COL11A1: variants seen among roughly 807,000 people sequenced by gnomAD.
The protein encoded by COL11A1 is collagen alpha-1(XI) chain.
Under a neutral mutation model 265.2 loss-of-function variants are expected in COL11A1, and 74 were observed. The observed-to-expected ratio is 0.28, with a 90% CI of 0.23 to 0.34. The LOEUF (loss-of-function observed/expected upper bound fraction) is 0.34, where lower values mean the gene tolerates loss of function less well. COL11A1 is among the 10% of genes least tolerant of loss of function. The probability of loss-of-function intolerance (pLI) is 1.00; values close to 1 mark genes in which losing one functional copy is unlikely to be tolerated. For synonymous variants in COL11A1, 816 were observed against 727.6 expected, an observed-to-expected ratio of 1.12 and a Z score of -1.96; for missense variants, 2,165 against 2,263.6, an observed-to-expected ratio of 0.96 and a Z score of 0.88.
At chr1:102,965,331 T>C (rs763921890) in intron 38 of COL11A1, among the ~76,000 whole-genome samples, 156 bp downstream of exon 38, 20 of 152,202 alleles carry the variant, frequency 1.3e-4, no homozygotes, top group African/African-American at 2.7e-4. Context: ...TTGGTTTCAT[T>C]TGATGTACGA....
At chr1:102,967,224 A>ATTT (rs1557882148) in intron 37 of COL11A1, among the ~76,000 whole-genome samples, 2 of 41,226 alleles carry the variant, frequency 4.9e-5, no homozygotes, top group African/African-American at 6.0e-5. Flanking sequence ...AACATAATAA[A>ATTT]TTCTTTTTTT....
At chr1:102,981,891 G>A (rs1570936899) in intron 31 of COL11A1, among the ~76,000 whole-genome samples, 1 of 151,644 alleles carries the variant, frequency 6.6e-6, no homozygotes, top group East Asian at 1.9e-4. Flanking sequence ...TTGCTACTAA[G>A]CAATTAATAA....
chr1:103,092,973 C>A (rs1673444865), intron 1 of COL11A1, among the ~76,000 whole-genome samples: 1 of 149,290 alleles, frequency 6.7e-6, no homozygotes, highest in Non-Finnish European at 1.5e-5. Flanking sequence ...GTTCCAAAAA[C>A]AAACAAACAA....
rs986251371 is a variant in COL11A1 at position 102,940,576 on chromosome 1, C to G, written c.3277-142G>C. On this transcript the variant is annotated intron_variant, in intron 42 of 66. Transcript: ENST00000370096. ...TTAAAGAATAAATGATACATGTTCC[C>G]TACCTTCATTTGTGACTAAGAATAC... 6.1e-6 allele frequency: 4 copies of G among 655,358 alleles called. No homozygotes were observed. In the East Asian group the frequency reaches 8.2e-5, roughly 13 times the overall value. 40.6% of individuals were successfully genotyped at this position (655,358 alleles called of 1,614,324 possible).
chr1:102,979,365 A>G lies in COL11A1; in HGVS notation c.2610+17T>C, dbSNP rs374394690. 2.7e-5 allele frequency: 43 copies of G among 1,589,688 alleles called. No individual in the cohort carries two copies. Among genetic ancestry groups the G allele is most frequent in the Middle Eastern group, 1.7e-4 (1 of 6,028 alleles). ...AACACTTATATACATAGTTCAAAAC[A>G]TATTTATATATCATACCCGTGCACC... On this transcript the variant is annotated intron_variant, in intron 32 of 66. Coordinates refer to ENST00000370096, the MANE Select transcript of COL11A1 (RefSeq NM_001854.4).
At chr1:102,915,376 G>A (rs1380692445) in intron 50 of COL11A1, among the ~76,000 whole-genome samples, 2 of 152,148 alleles carry the variant, frequency 1.3e-5, no homozygotes, top group Non-Finnish European at 2.9e-5. Flanking sequence ...CAAAGGGAAT[G>A]TATACAGTAA....
intron 63 of COL11A1, among the ~76,000 whole-genome samples, chr1:102,885,424 A>G (rs1557773112): frequency 6.6e-6 from 1 of 152,138 alleles, no homozygotes. Context: ...AATATTTTAA[A>G]AGCTCAAATT....
chr1:102,887,405 C>T lies in COL11A1; in HGVS notation c.4609-349G>A, dbSNP rs995889643. On this transcript the variant is annotated intron_variant, in intron 62 of 66. Transcript: ENST00000370096. ...TAACTCCACAACTAGATTGTAAAGT[C>T]TCTGAGGATTAGAACAGCACTTTAA... Among the ~76,000 whole-genome samples, 3 of 152,148 alleles carry T rather than the reference C, an allele frequency of 2.0e-5. No homozygotes were observed. The South Asian group carries it at 6.2e-4, about 32-fold the overall frequency.
intron 9 of COL11A1, among the ~76,000 whole-genome samples, chr1:103,021,239 T>G (rs951987431): frequency 2.6e-4 from 40 of 151,588 alleles, no homozygotes; most frequent in African/African-American, 9.0e-4. Context: ...CTTCTGTAGA[T>G]GAAAAGGAAG....
chr1:103,098,194 G>T (rs1406063967), intron 1 of COL11A1, among the ~76,000 whole-genome samples: 1 of 151,878 alleles, frequency 6.6e-6, no homozygotes, highest in Non-Finnish European at 1.5e-5. Context: ...AGGATTAAAA[G>T]AAAGCATTTT....
intron 41 of COL11A1, among the ~76,000 whole-genome samples, chr1:102,956,065 A>T (rs1271001761): frequency 1.3e-5 from 2 of 152,210 alleles, no homozygotes; most frequent in Non-Finnish European, 2.9e-5. Flanking sequence ...GCACGACAGA[A>T]CGTTCCTCAG....
In COL11A1 at chr1:103,026,254, C is replaced by A; in HGVS notation, c.859G>T (p.Gly287Ter). 1 of 1,613,606 alleles carries A rather than the reference C, an allele frequency of 6.2e-7. No individual in the cohort carries two copies. Among genetic ancestry groups the A allele is most frequent in the Non-Finnish European group, 8.5e-7 (1 of 1,179,620 alleles). The change falls in exon 6 of 67, where the codon GGA becomes TGA. Residue 287 changes from glycine to a stop codon, truncating the protein, a stop_gained. Coordinates refer to ENST00000370096, the MANE Select transcript of COL11A1 (RefSeq NM_001854.4). LOFTEE classifies it high-confidence loss of function. ...ATTGTCTCCTCAGTTACAGTGGGTC[C>A]CTCTGTTACACTTTCAGCCTCTTTA... is the stretch of plus-strand genomic sequence containing the variant. ...EYKEAESVTE[G>*]PTVTEETIAQ...
intron 2 of COL11A1, 114 bp downstream of exon 2, chr1:103,082,691 T>A: frequency 3.2e-6 from 3 of 934,850 alleles, no homozygotes; most frequent in Non-Finnish European, 4.9e-6. Flanking sequence ...TTGCACATTA[T>A]CTAACCTGAT....
intron 4 of COL11A1, among the ~76,000 whole-genome samples, chr1:103,043,431 A>T (rs1668996699): frequency 6.6e-6 from 1 of 151,922 alleles, no homozygotes; most frequent in African/African-American, 2.4e-5. Context: ...AATTAAATTC[A>T]CTGGAATATA....
At chr1:103,074,476 C>G in intron 4 of COL11A1, 142 bp downstream of exon 4, 1 of 851,054 alleles carries the variant, frequency 1.2e-6, no homozygotes, top group Non-Finnish European at 1.8e-6. Context: ...CACCACTATA[C>G]TCACAGAGGA....
chr1:102,906,714 TTTTTTCTTTTTC>T (rs536123046), intron 54 of COL11A1, among the ~76,000 whole-genome samples: 7 of 152,154 alleles, frequency 4.6e-5, no homozygotes, highest in Non-Finnish European at 8.8e-5. Context: ...TTTCCATTTT[TTTTTTCTTTTTC>T]TTTTTCTTTT....
intron 54 of COL11A1, among the ~76,000 whole-genome samples, chr1:102,908,502 T>C (rs1654258690): frequency 6.6e-6 from 1 of 152,142 alleles, no homozygotes; most frequent in Non-Finnish European, 1.5e-5. Flanking sequence ...TTTCAAAGTT[T>C]ACCTTTGACA....
chr1:103,078,417 G>T (rs1672143169), intron 3 of COL11A1, among the ~76,000 whole-genome samples: 1 of 151,790 alleles, frequency 6.6e-6, no homozygotes, highest in Non-Finnish European at 1.5e-5. Context: ...CCTCTTTACT[G>T]CTCTCTTTTT....
intron 30 of COL11A1, among the ~76,000 whole-genome samples, chr1:102,986,750 T>G (rs1663596275): frequency 6.6e-6 from 1 of 152,160 alleles, no homozygotes; most frequent in African/African-American, 2.4e-5. Flanking sequence ...AAGTCAAATT[T>G]CAATGTTGCC....
Sources: allele counts gnomAD v4.1 joint callset (sites outside exome capture counted in the v4.1 genomes callset), GRCh38; gene constraint gnomAD v4.1.1; transcripts MANE v1.5; gene names NCBI Gene and HGNC (gene_info 2026-07-23, HGNC 2026-07-21).